TIMELESS: variants seen among roughly 807,000 people sequenced by gnomAD.
TIMELESS encodes the protein protein timeless homolog.
In TIMELESS, 124 loss-of-function variants were observed where a neutral mutation model predicts 164.3. The observed-to-expected ratio is 0.75, with a 90% CI of 0.65 to 0.88. The LOEUF is 0.88. Ranked by LOEUF, TIMELESS falls within the 40% of genes least tolerant of loss-of-function variation. The pLI is 0.00. For synonymous variants in TIMELESS, 564 were observed against 563.4 expected, an observed-to-expected ratio of 1.00 and a Z score of -0.02; for missense variants, 1,422 against 1,491.4, an observed-to-expected ratio of 0.95 and a Z score of 0.77.
chr12:56,432,543 G>C lies in TIMELESS; in HGVS notation c.532-19C>G. On this transcript the variant is annotated intron_variant, in intron 6 of 28. Transcript: ENST00000553532. ...CAATCTTCTGAGCAGTGAGTGGTGA[G>C]GGTAGAAAGGAAGCTCATTCAATCC... 1.1e-5 allele frequency: 17 copies of C among 1,607,460 alleles called. No individual in the cohort carries two copies. The highest frequency in any genetic ancestry group is 1.0e-5 in the Non-Finnish European group (12 of 1,175,312).
At position 56,418,200 on chromosome 12, in the gene TIMELESS, G is replaced by A. The variant is rs372838377; in HGVS notation, c.3388C>T (p.Arg1130Ter). 9 of 1,614,028 alleles carry A rather than the reference G, an allele frequency of 5.6e-6. No homozygotes were observed. The highest frequency in any genetic ancestry group is 1.1e-5 in the South Asian group (1 of 91,086). ...AAGAGGGCCCTCAGGGCTTGTGCTC[G>A]GTGCTCTTTACAGTGCTCCTCATCA... ...GSDEEHCKEH[R>*]AQALRALLLA... Residue 1130 changes from arginine (R) to a stop codon, truncating the protein, a stop_gained, in exon 27 of 29, where the codon CGA (arginine) becomes TGA (stop). Coordinates refer to ENST00000553532, the MANE Select transcript of TIMELESS (RefSeq NM_003920.5). LOFTEE classifies it high-confidence loss of function.
In TIMELESS at chr12:56,446,766, C is replaced by T. The variant is rs866173924; in HGVS notation, c.-62+2544G>A. On this transcript the variant is annotated intron_variant, in intron 1 of 28. Coordinates refer to ENST00000553532, the MANE Select transcript of TIMELESS (RefSeq NM_003920.5). Reference sequence around the variant, plus strand: ...AGAATCGCTTGAACCTGGGAGACCACGCCACTGCACTCCAGCCTGGACAAT... The same window carrying T: ...AGAATCGCTTGAACCTGGGAGACCATGCCACTGCACTCCAGCCTGGACAAT... 6.0e-5 allele frequency among the ~76,000 whole-genome samples: 9 copies of T among 150,072 alleles called. No individual in the cohort carries two copies. In the South Asian group the frequency reaches 6.3e-4, roughly 11 times the overall value.
chr12:56,447,850 G>C (rs796773847), intron 1 of TIMELESS, among the ~76,000 whole-genome samples: 1 of 152,250 alleles, frequency 6.6e-6, no homozygotes, highest in South Asian at 2.1e-4. Flanking sequence ...TCTTCAAAGA[G>C]AAGTTCGCTT....
intron 10 of TIMELESS, among the ~76,000 whole-genome samples, chr12:56,429,507 T>A (rs1201455500): frequency 7.3e-6 from 1 of 136,168 alleles, no homozygotes; most frequent in Non-Finnish European, 1.6e-5. Flanking sequence ...CTTTTTTTTT[T>A]TTTTTTTTTT....
chr12:56,422,744 C>G, intron 19 of TIMELESS, 103 bp downstream of exon 19: 1 of 1,291,260 alleles, frequency 7.7e-7, no homozygotes, highest in South Asian at 1.4e-5. Context: ...GGGAAAGAAA[C>G]AGTGGGCTAA....
At position 56,421,731 on chromosome 12, in the gene TIMELESS, TG is replaced by T. The variant is rs752136528; in HGVS notation, c.2720del (p.Ser907Ter). 2 of 1,614,106 alleles carry T rather than the reference TG, an allele frequency of 1.2e-6. No homozygotes were observed. Among genetic ancestry groups the T allele is most frequent in the Non-Finnish European group, 1.7e-6 (2 of 1,179,986 alleles). On this transcript the variant is annotated frameshift_variant, in exon 22 of 29. Coordinates refer to ENST00000553532, the MANE Select transcript of TIMELESS (RefSeq NM_003920.5). LOFTEE classifies it high-confidence loss of function. ...LQRLFEEFRD[S>X]DDVLGHIMKN... Reference sequence around the variant, plus strand: ...CTGAGTTTCCAGCTTACTCACCATCTGAGTCCCGGAATTCCTCAAAAAGCCG... The same window carrying T: ...CTGAGTTTCCAGCTTACTCACCATCTAGTCCCGGAATTCCTCAAAAAGCCG...
In TIMELESS at chr12:56,422,730, A is replaced by T. The variant is rs1881536359; in HGVS notation, c.2438+117T>A. On this transcript the variant is annotated intron_variant, in intron 19 of 28. Transcript: ENST00000553532. ...CTCCTGAGCCTGTTCTCTCACCCAT[A>T]ATAGGGAAAGAAACAGTGGGCTAAA... The T allele has an allele frequency of 4.3e-6, 5 of 1,175,470 alleles. No individual in the cohort carries two copies. The Admixed American group carries it at 1.1e-4, about 27-fold the overall frequency. The allele number at this position is 1,175,470 out of a possible 1,614,324, so 72.8% of individuals were successfully genotyped here. A position where few individuals can be genotyped will look rare whatever the true frequency, so the allele number is the denominator to read the frequency against.
At chr12:56,430,474 T>A (rs939380141) in intron 9 of TIMELESS, among the ~76,000 whole-genome samples, 193 bp from the exon 10 acceptor site, 1 of 152,042 alleles carries the variant, frequency 6.6e-6, no homozygotes, top group African/African-American at 2.4e-5. Flanking sequence ...CAAGGAATCC[T>A]CCCACCTCAG....
intron 13 of TIMELESS, 83 bp from the exon 14 acceptor site, chr12:56,425,235 T>C: frequency 1.4e-6 from 2 of 1,454,110 alleles, no homozygotes; most frequent in Non-Finnish European, 1.8e-6. Context: ...ACAAAACTAA[T>C]TAACTGGACA....
chr12:56,430,328 TC>T, intron 9 of TIMELESS, 47 bp from the exon 10 acceptor site: 1 of 1,557,768 alleles, frequency 6.4e-7, no homozygotes, highest in Non-Finnish European at 8.7e-7. Context: ...AATACCACTT[TC>T]CCCTTGCAGC....
intron 1 of TIMELESS, among the ~76,000 whole-genome samples, chr12:56,445,214 T>C (rs558117346): frequency 4.0e-5 from 6 of 150,176 alleles, no homozygotes; most frequent in Non-Finnish European, 8.9e-5. Flanking sequence ...TCACCTGAGG[T>C]TGGGAGTTTG....
chr12:56,429,532 C>A (rs1177206633), intron 10 of TIMELESS, among the ~76,000 whole-genome samples: 8 of 130,358 alleles, frequency 6.1e-5, no homozygotes, highest in African/African-American at 1.8e-4. Context: ...GACAGTCTTG[C>A]ACTGTCATGA....
In TIMELESS at chr12:56,422,864, A is replaced by T; in HGVS notation, c.2421T>A (p.Tyr807Ter). The change falls in exon 19 of 29, where the codon TAT becomes TAA. Residue 807 changes from tyrosine to a stop codon, truncating the protein, a stop_gained. Coordinates refer to ENST00000553532, the MANE Select transcript of TIMELESS (RefSeq NM_003920.5). LOFTEE classifies it high-confidence loss of function. ...TAVVREMTEG[Y>*]GSLDDRSSSR... ...AAGCTCACCTGTCATCCAGGGAGCC[A>T]TAGCCCTCAGTCATCTCTCGAACCA... 1 of 1,405,940 alleles carries T rather than the reference A, an allele frequency of 7.1e-7. No individual in the cohort carries two copies. Among genetic ancestry groups the T allele is most frequent in the South Asian group, 1.1e-5 (1 of 88,052 alleles). The allele number at this position is 1,405,940 out of a possible 1,614,324, so 87.1% of individuals were successfully genotyped here.
At chr12:56,445,754 G>C in intron 1 of TIMELESS, among the ~76,000 whole-genome samples, 1 of 151,752 alleles carries the variant, frequency 6.6e-6, no homozygotes. Context: ...AGAAACCTAG[G>C]AGTCACCTTA....
At chr12:56,446,674 T>C (rs1423851973) in intron 1 of TIMELESS, among the ~76,000 whole-genome samples, 1 of 151,494 alleles carries the variant, frequency 6.6e-6, no homozygotes, top group Admixed American at 6.6e-5. Flanking sequence ...CTACTAAAAA[T>C]AAAAAAAATT....
rs1592248955 is a variant in TIMELESS at position 56,428,911 on chromosome 12, GGTCA to G, written c.1272_1275del (p.Asp425AlafsTer15). The G allele has an allele frequency of 1.9e-6, 3 of 1,613,936 alleles. No individual in the cohort carries two copies. In the East Asian group the frequency reaches 6.7e-5, roughly 36 times the overall value. On this transcript the variant is annotated frameshift_variant, in exon 11 of 29. Coordinates refer to ENST00000553532, the MANE Select transcript of TIMELESS (RefSeq NM_003920.5). LOFTEE classifies it high-confidence loss of function. ...CGTGCCCAGGAGGCAGCTTCCTTGC[GGTCA>G]GTCAGCATCATCTCATAGTAGTTGG...
At chr12:56,428,475 C>A in intron 12 of TIMELESS, 70 bp from the exon 13 acceptor site, 2 of 1,607,390 alleles carry the variant, frequency 1.2e-6, no homozygotes, top group Non-Finnish European at 1.7e-6. Flanking sequence ...ATGGATGAAG[C>A]TGGGACTGGG....
intron 26 of TIMELESS, among the ~76,000 whole-genome samples, chr12:56,419,257 G>T (rs568545217): frequency 6.6e-6 from 1 of 152,318 alleles, no homozygotes; most frequent in Admixed American, 6.5e-5. Context: ...CTCCCAAAGT[G>T]CTGGGGTTAC....
Position 56,428,244 on chromosome 12 carries a change from C to T in TIMELESS, c.1570G>A (p.Val524Met), listed in dbSNP as rs1217372941. The change falls in exon 13 of 29, where the codon GTG becomes ATG. Residue 524 changes from valine to methionine, a missense_variant. By Grantham distance (21) the Val-to-Met change is conservative (BLOSUM62 1). Transcript: ENST00000553532. Reference sequence around the variant, plus strand: ...GTGGGGCTGCCCAGTACCTGCACCACCAGGTTCCCACGGCTCCGACAGAAT... The same window carrying T: ...GTGGGGCTGCCCAGTACCTGCACCATCAGGTTCCCACGGCTCCGACAGAAT... The part of the protein sequence containing the change: ...ERFCRSRGNL[V>M]VQNKQKKRRK... 7 of 1,600,788 alleles carry T rather than the reference C, an allele frequency of 4.4e-6. No homozygotes were observed. Among genetic ancestry groups the T allele is most frequent in the Non-Finnish European group, 6.0e-6 (7 of 1,171,296 alleles).
Sources: allele counts gnomAD v4.1 joint callset (sites outside exome capture counted in the v4.1 genomes callset), GRCh38; gene constraint gnomAD v4.1.1; transcripts MANE v1.5; gene names NCBI Gene and HGNC (gene_info 2026-07-23, HGNC 2026-07-21).